The following ATE1 variants were observed in gnomAD, a reference collection of about 807,000 sequenced individuals.
ATE1 encodes the protein arginyl-tRNA--protein transferase 1.
In ATE1, 36 loss-of-function variants were observed where a neutral mutation model predicts 70.5. That is an observed-to-expected ratio of 0.51 (90% CI 0.39 to 0.67). The LOEUF (loss-of-function observed/expected upper bound fraction) is 0.67. Among genes scored for constraint, ATE1 ranks in the 30% least tolerant of loss-of-function variants. The pLI, the probability that ATE1 is intolerant of heterozygous loss-of-function variation, is 0.00. For synonymous variants in ATE1, 232 were observed against 219.3 expected, an observed-to-expected ratio of 1.06 and a Z score of -0.51; for missense variants, 593 against 629.5, an observed-to-expected ratio of 0.94 and a Z score of 0.62.
At chr10:121,876,859 G>A (rs931111299) in intron 7 of ATE1, among the ~76,000 whole-genome samples, 5 of 151,874 alleles carry the variant, frequency 3.3e-5, no homozygotes, top group East Asian at 1.9e-4. Context: ...CCAGCTACTC[G>A]GGAGGCTGAG....
At chr10:121,763,391 G>A (rs935074309) in intron 11 of ATE1, among the ~76,000 whole-genome samples, 1 of 151,974 alleles carries the variant, frequency 6.6e-6, no homozygotes, top group African/African-American at 2.4e-5. Flanking sequence ...GATCAACTCT[G>A]GTACTATACC....
chr10:121,841,059 A>G (rs1948610761), intron 9 of ATE1, 23 bp downstream of exon 9: 2 of 1,487,476 alleles, frequency 1.3e-6, no homozygotes, highest in Non-Finnish European at 1.8e-6. Flanking sequence ...ACCCACTACA[A>G]TAACGGCAAA....
intron 11 of ATE1, among the ~76,000 whole-genome samples, chr10:121,749,715 T>A (rs2135699123): frequency 6.6e-6 from 1 of 152,310 alleles, no homozygotes; most frequent in Non-Finnish European, 1.5e-5. Context: ...GAGACTGACG[T>A]CAGCCCCCCA....
chr10:121,848,909 TA>T (rs959010195), intron 8 of ATE1, among the ~76,000 whole-genome samples: 31 of 125,124 alleles, frequency 2.5e-4, no homozygotes, highest in African/African-American at 3.4e-4. Flanking sequence ...AGACTCCCTC[TA>T]AAAAAAAAAG....
intron 11 of ATE1, among the ~76,000 whole-genome samples, chr10:121,747,785 C>G (rs1223652942): frequency 6.6e-6 from 1 of 152,208 alleles, no homozygotes; most frequent in Non-Finnish European, 1.5e-5. Flanking sequence ...AGGGGAAAGT[C>G]CACATACTTT....
chr10:121,840,972 A>T, intron 9 of ATE1, 110 bp downstream of exon 9: 2 of 1,017,074 alleles, frequency 2.0e-6, no homozygotes, highest in Non-Finnish European at 2.6e-6. Flanking sequence ...AAATCATTAT[A>T]ATACACTGTC....
chr10:121,861,749 TAA>T (rs5788519), intron 8 of ATE1, among the ~76,000 whole-genome samples: 62,435 of 147,960 alleles, frequency 0.42, 14,463 homozygotes, highest in South Asian at 0.53. Flanking sequence ...TAAAGTATAA[TAA>T]AAAAAAAAAA....
At chr10:121,831,868 C>T (rs1386346620) in intron 10 of ATE1, among the ~76,000 whole-genome samples, 1 of 152,132 alleles carries the variant, frequency 6.6e-6, no homozygotes, top group Non-Finnish European at 1.5e-5. Context: ...TATAATGATA[C>T]TTGTTGCTCT....
intron 3 of ATE1, among the ~76,000 whole-genome samples, chr10:121,920,948 C>G (rs1208452316): frequency 6.6e-6 from 1 of 151,194 alleles, no homozygotes; most frequent in Non-Finnish European, 1.5e-5. Flanking sequence ...GAGCCGAGAT[C>G]GCGCCATTGC....
chr10:121,839,343 A>C (rs970509005), intron 9 of ATE1, among the ~76,000 whole-genome samples: 5 of 152,220 alleles, frequency 3.3e-5, no homozygotes, highest in African/African-American at 1.2e-4. Flanking sequence ...CACAGGCCAG[A>C]GCTTATTATG....
At chr10:121,885,856 T>C (rs1327600900) in intron 7 of ATE1, among the ~76,000 whole-genome samples, 4 of 152,106 alleles carry the variant, frequency 2.6e-5, no homozygotes, top group African/African-American at 7.2e-5. Context: ...ATCGAGATTG[T>C]GCCACTGAGC....
At chr10:121,786,865 T>G (rs901419171) in intron 11 of ATE1, among the ~76,000 whole-genome samples, 4 of 152,210 alleles carry the variant, frequency 2.6e-5, no homozygotes, top group African/African-American at 9.7e-5. Context: ...TATATATATG[T>G]GTATAGAACT....
intron 3 of ATE1, among the ~76,000 whole-genome samples, chr10:121,920,886 C>T (rs1003659230): frequency 4.0e-5 from 6 of 151,084 alleles, no homozygotes; most frequent in Non-Finnish European, 8.9e-5. Context: ...CCCAGCTACT[C>T]GGGAGGCTGA....
In ATE1 at chr10:121,743,868, C is replaced by T. The variant is rs1564801130; in HGVS notation, c.1379-10G>A. On this transcript the variant is annotated splice_polypyrimidine_tract_variant and intron_variant, in intron 11 of 11. Transcript: ENST00000224652. Reference sequence around the variant, plus strand: ...CTGCGATCCTCATCCACTGCAACGACAAAAAATACTGATTTGTAAAATGTC... The same window carrying T: ...CTGCGATCCTCATCCACTGCAACGATAAAAAATACTGATTTGTAAAATGTC... The T allele has an allele frequency of 1.4e-6, 2 of 1,427,164 alleles. No individual in the cohort carries two copies. The highest frequency in any genetic ancestry group is 1.9e-6 in the Non-Finnish European group (2 of 1,067,222). The allele number at this position is 1,427,164 out of a possible 1,614,324, so 88.4% of individuals were successfully genotyped here.
At position 121,790,154 on chromosome 10, in the gene ATE1, C is replaced by T; in HGVS notation, c.1378+15G>A. Reference sequence around the variant, plus strand: ...AAAGCCAATGATTTCCAGCTGAGCTCAGCTCCAAACATACCTGCTTCTGGG... The same window carrying T: ...AAAGCCAATGATTTCCAGCTGAGCTTAGCTCCAAACATACCTGCTTCTGGG... On this transcript the variant is annotated intron_variant, in intron 11 of 11. Transcript: ENST00000224652. The T allele has an allele frequency of 1.2e-6, 2 of 1,613,740 alleles. No homozygotes were observed. The highest frequency in any genetic ancestry group is 1.7e-6 in the Non-Finnish European group (2 of 1,179,822).
At chr10:121,788,058 C>A (rs1017445085) in intron 11 of ATE1, among the ~76,000 whole-genome samples, 2 of 152,064 alleles carry the variant, frequency 1.3e-5, no homozygotes, top group African/African-American at 4.8e-5. Flanking sequence ...AATATGAAAT[C>A]TTTTAGTAAG....
chr10:121,917,009 C>T (rs1951688020), intron 3 of ATE1, among the ~76,000 whole-genome samples: 1 of 151,102 alleles, frequency 6.6e-6, no homozygotes, highest in African/African-American at 2.4e-5. Context: ...ACTAAAAATA[C>T]AAAACTTAGC....
intron 4 of ATE1, among the ~76,000 whole-genome samples, chr10:121,911,461 C>A (rs75739878): frequency 0.033 from 4,117 of 124,830 alleles, 147 homozygotes; most frequent in African/African-American, 0.091. Flanking sequence ...AAAAAAAAAA[C>A]AAAAACTGTG....
In ATE1 at chr10:121,813,196, A is replaced by G. The variant is rs558467308; in HGVS notation, c.1258-22907T>C. 9.8e-5 allele frequency among the ~76,000 whole-genome samples: 15 copies of G among 152,334 alleles called. No individual in the cohort carries two copies. In the South Asian group the frequency reaches 2.1e-3, roughly 21 times the overall value. Reference sequence around the variant, plus strand: ...CATGGTCCATCAAACACTCTTCTGAATTCTGCATCACAACCCTAAGGACAC... The same window carrying G: ...CATGGTCCATCAAACACTCTTCTGAGTTCTGCATCACAACCCTAAGGACAC... On this transcript the variant is annotated intron_variant, in intron 10 of 11. Coordinates refer to ENST00000224652, the MANE Select transcript of ATE1 (RefSeq NM_001001976.3).
Sources: allele counts gnomAD v4.1 joint callset (sites outside exome capture counted in the v4.1 genomes callset), GRCh38; gene constraint gnomAD v4.1.1; transcripts MANE v1.5; gene names NCBI Gene and HGNC (gene_info 2026-07-23, HGNC 2026-07-21).